Variants in DYM observed in about 807,000 individuals in gnomAD.
DYM encodes dyggve-Melchior-Clausen syndrome protein.
Under a neutral mutation model 93.1 loss-of-function variants are expected in DYM, and 78 were observed. The observed-to-expected ratio is 0.84, with a 90% CI of 0.70 to 1.01. The LOEUF is 1.01. Among genes scored for constraint, DYM ranks in the 50% least tolerant of loss-of-function variants. The probability of loss-of-function intolerance (pLI) is 0.00; values close to 1 mark genes in which losing one functional copy is unlikely to be tolerated. For synonymous variants in DYM, 321 were observed against 319.7 expected (o/e 1.00, Z -0.04); for missense variants, 789 against 845.0 (o/e 0.93, Z 0.82).
At chr18:49,346,766 TCCTG>T (rs2064636966) in intron 6 of DYM, among the ~76,000 whole-genome samples, 1 of 152,202 alleles carries the variant, frequency 6.6e-6, no homozygotes. Context: ...ATGTAGAATT[TCCTG>T]CCTTTTATGT....
rs183285420 is a variant in DYM at position 49,058,813 on chromosome 18, C to A, written c.2026-14609G>T. 3.2e-3 allele frequency among the ~76,000 whole-genome samples: 482 copies of A among 152,212 alleles called. 2 individuals are homozygous for A. The highest frequency in any genetic ancestry group is 4.4e-3 in the Non-Finnish European group (299 of 68,008). On this transcript the variant is annotated intron_variant, in intron 17 of 17. Transcript: ENST00000675505. The stretch of plus-strand genomic sequence containing the variant: ...ATAATCAACATACTATAATAAGACA[C>A]TTATATTTGGGGTTATTTAGAGCAA...
In DYM at chr18:49,363,175, A is replaced by G; in HGVS notation, c.480T>C (p.Thr160=). Residue 160 remains threonine, a synonymous_variant, in exon 6 of 18, where the codon ACT becomes ACC. Transcript: ENST00000675505. Reference sequence around the variant, plus strand: ...CCAGAACTTACAAGAGTGGAATATCAGTGATCAACTGCATCAAACAGCACA... The same window carrying G: ...CCAGAACTTACAAGAGTGGAATATCGGTGATCAACTGCATCAAACAGCACA... ...ELLCCLMQLI[T]DIPLLDITYE... 6 of 1,613,550 alleles carry G rather than the reference A, an allele frequency of 3.7e-6. No individual in the cohort carries two copies. The highest frequency in any genetic ancestry group is 5.1e-6 in the Non-Finnish European group (6 of 1,179,520).
At chr18:49,102,925 A>G (rs1245030812) in intron 16 of DYM, among the ~76,000 whole-genome samples, 2 of 152,188 alleles carry the variant, frequency 1.3e-5, no homozygotes, top group East Asian at 3.8e-4. Context: ...CTTTGGGTAT[A>G]TATCCAGTAA....
At chr18:49,108,377 G>A (rs993251171) in intron 16 of DYM, among the ~76,000 whole-genome samples, 9 of 152,228 alleles carry the variant, frequency 5.9e-5, no homozygotes, top group African/African-American at 2.2e-4. Context: ...GCCTCGCCCT[G>A]CTTCGGCTCA....
chr18:49,170,768 G>A (rs1379405852), intron 14 of DYM, among the ~76,000 whole-genome samples: 2 of 112,066 alleles, frequency 1.8e-5, no homozygotes, highest in Admixed American at 2.4e-4. Context: ...GCAACAAAGT[G>A]AGACTCCGTC....
chr18:49,391,497 G>T, intron 3 of DYM, 96 bp downstream of exon 3: 3 of 1,222,278 alleles, frequency 2.5e-6, no homozygotes, highest in Non-Finnish European at 2.4e-6. Context: ...TGCTATCAAA[G>T]AAGAGTAATT....
At chr18:49,184,515 G>A (rs540379808) in intron 14 of DYM, among the ~76,000 whole-genome samples, 6 of 152,190 alleles carry the variant, frequency 3.9e-5, no homozygotes, top group South Asian at 4.2e-4. Context: ...CCTTATCCAC[G>A]GGGGATACAT....
chr18:49,273,398 T>C (rs994805194), intron 10 of DYM, among the ~76,000 whole-genome samples: 1 of 152,190 alleles, frequency 6.6e-6, no homozygotes, highest in Non-Finnish European at 1.5e-5. Context: ...CCACATTACC[T>C]AGTAAGCATA....
At chr18:49,314,767 G>A (rs182828580) in intron 8 of DYM, among the ~76,000 whole-genome samples, 82 of 152,248 alleles carry the variant, frequency 5.4e-4, no homozygotes, top group Non-Finnish European at 9.9e-4. Flanking sequence ...AGAACCAGCA[G>A]GGGGAATTCA....
At chr18:49,216,245 C>T (rs955031884) in intron 13 of DYM, among the ~76,000 whole-genome samples, 16 of 152,166 alleles carry the variant, frequency 1.1e-4, no homozygotes, top group African/African-American at 3.9e-4. Flanking sequence ...ATAAAGCAGC[C>T]GGGAAGCTCG....
intron 13 of DYM, among the ~76,000 whole-genome samples, chr18:49,249,540 A>G (rs2094242283): frequency 6.6e-6 from 1 of 152,184 alleles, no homozygotes; most frequent in South Asian, 2.1e-4. Context: ...AATTATTTAA[A>G]TGAAGGCTGG....
intron 13 of DYM, among the ~76,000 whole-genome samples, chr18:49,253,383 A>G (rs1598916532): frequency 1.3e-5 from 2 of 152,328 alleles, no homozygotes; most frequent in East Asian, 3.9e-4. Flanking sequence ...TACCCTAAAC[A>G]CAAATATTTA....
chr18:49,169,414 A>G (rs1431161315), intron 14 of DYM, among the ~76,000 whole-genome samples: 2 of 152,214 alleles, frequency 1.3e-5, no homozygotes, highest in Non-Finnish European at 2.9e-5. Context: ...ACGTGCATCA[A>G]GTGTTGAGTA....
intron 1 of DYM, among the ~76,000 whole-genome samples, chr18:49,441,291 TA>T (rs1349754234): frequency 0.065 from 2,936 of 44,902 alleles, 214 homozygotes; most frequent in Non-Finnish European, 0.076. Flanking sequence ...TAATTATATA[TA>T]ATATAATTAT....
intron 6 of DYM, among the ~76,000 whole-genome samples, chr18:49,347,848 C>T (rs1203659955): frequency 6.6e-6 from 1 of 152,174 alleles, no homozygotes; most frequent in Non-Finnish European, 1.5e-5. Context: ...TGTTTTAATT[C>T]AACAGATCTT....
At chr18:49,114,373 C>G (rs1262087062) in intron 16 of DYM, 1 of 176,104 alleles carries the variant, frequency 5.7e-6, no homozygotes, top group Non-Finnish European at 1.1e-5. Context: ...CCTGAGAATG[C>G]AGTTTTCACT....
chr18:49,109,489 C>G (rs1458910470), intron 16 of DYM, among the ~76,000 whole-genome samples: 2 of 152,178 alleles, frequency 1.3e-5, no homozygotes, highest in Non-Finnish European at 2.9e-5. Context: ...CTGTGAAGAA[C>G]TGTGAAAAGT....
chr18:49,297,693 C>A (rs2060646094), intron 8 of DYM, among the ~76,000 whole-genome samples: 1 of 151,274 alleles, frequency 6.6e-6, no homozygotes, highest in South Asian at 2.1e-4. Flanking sequence ...TTTTCCTCAT[C>A]AAAATACTTT....
intron 14 of DYM, 85 bp from the exon 15 acceptor site, chr18:49,163,872 G>T: frequency 1.2e-6 from 1 of 842,024 alleles, no homozygotes; most frequent in Non-Finnish European, 2.0e-6. Context: ...TCCACAGCAT[G>T]TCAATTATTC....
Sources: gnomAD v4.1 joint callset for allele counts (sites outside exome capture counted in the v4.1 genomes callset) on GRCh38, gnomAD v4.1.1 for gene constraint, MANE v1.5 for transcripts, NCBI Gene and HGNC (gene_info 2026-07-23, HGNC 2026-07-21) for gene names.